Variants in KHDRBS2 observed in about 807,000 individuals in gnomAD.
KHDRBS2 encodes the protein KH RNA binding domain containing, signal transduction associated 2, also known as KH domain-containing, RNA-binding, signal transduction-associated protein 2.
In KHDRBS2, 26 loss-of-function variants were observed where a neutral mutation model predicts 44.3. That is an observed-to-expected ratio of 0.59 (90% CI 0.43 to 0.81). KHDRBS2 has a LOEUF of 0.81. Among genes scored for constraint, KHDRBS2 ranks in the 40% least tolerant of loss-of-function variants. KHDRBS2 has a pLI of 0.00. For missense variants in KHDRBS2, 476 were observed against 433.1 expected, an observed-to-expected ratio of 1.10 and a Z score of -0.88; for synonymous variants, 194 against 151.1, an observed-to-expected ratio of 1.28 and a Z score of -2.08.
chr6:61,939,830 G>T (rs561411742), intron 4 of KHDRBS2, among the ~76,000 whole-genome samples: 12 of 152,182 alleles, frequency 7.9e-5, no homozygotes, highest in Non-Finnish European at 1.6e-4. Context: ...GAAGGCTATG[G>T]AGATGCAAAA....
At chr6:62,118,194 G>C (rs1472009466) in intron 2 of KHDRBS2, among the ~76,000 whole-genome samples, 1 of 152,146 alleles carries the variant, frequency 6.6e-6, no homozygotes, top group South Asian at 2.1e-4. Flanking sequence ...TTGTCAAAAT[G>C]ACTTGACAAT....
intron 6 of KHDRBS2, among the ~76,000 whole-genome samples, chr6:61,747,043 A>G (rs112653025): frequency 2.0e-5 from 1 of 49,452 alleles, no homozygotes; most frequent in African/African-American, 5.6e-5. Flanking sequence ...AAAAAAAAAG[A>G]AAAAAAAAAA....
intron 6 of KHDRBS2, among the ~76,000 whole-genome samples, chr6:61,861,704 G>T (rs778965646): frequency 1.3e-5 from 2 of 149,140 alleles, no homozygotes; most frequent in Admixed American, 6.7e-5. Context: ...AGGCTCTTTT[G>T]GAGTTCCATA....
chr6:61,956,876 C>G (rs1170375592), intron 4 of KHDRBS2, among the ~76,000 whole-genome samples: 2 of 151,010 alleles, frequency 1.3e-5, no homozygotes, highest in African/African-American at 4.9e-5. Context: ...GCACCTTATG[C>G]ATAGCAAACA....
intron 1 of KHDRBS2, among the ~76,000 whole-genome samples, chr6:62,277,300 C>A (rs1841093721): frequency 6.6e-6 from 1 of 151,928 alleles, no homozygotes. Flanking sequence ...ATTAATAGCA[C>A]ATATCATATG....
the KHDRBS2 span, among the ~76,000 whole-genome samples, chr6:61,583,659 GTTC>G: frequency 6.6e-6 from 1 of 151,364 alleles, no homozygotes; most frequent in African/African-American, 2.4e-5. Context: ...TTTCAATTTT[GTTC>G]TTCTTGTTCT....
intron 6 of KHDRBS2, among the ~76,000 whole-genome samples, chr6:61,743,380 T>C (rs1776420498): frequency 6.6e-6 from 1 of 152,120 alleles, no homozygotes; most frequent in Non-Finnish European, 1.5e-5. Flanking sequence ...TTGGCTACAA[T>C]GTAAACTCAG....
intron 6 of KHDRBS2, among the ~76,000 whole-genome samples, chr6:61,830,195 T>C (rs191025651): frequency 2.0e-5 from 3 of 152,290 alleles, no homozygotes; most frequent in Non-Finnish European, 4.4e-5. Flanking sequence ...TATATTGATA[T>C]GGGTAGAGCT....
the KHDRBS2 span, among the ~76,000 whole-genome samples, chr6:61,662,008 C>T: frequency 6.6e-6 from 1 of 151,986 alleles, no homozygotes; most frequent in Admixed American, 6.6e-5. Context: ...TACTACAATG[C>T]TACAGTAACC....
intron 1 of KHDRBS2, among the ~76,000 whole-genome samples, chr6:62,212,765 C>A (rs190128757): frequency 1.3e-5 from 2 of 152,144 alleles, no homozygotes; most frequent in Admixed American, 6.5e-5. Flanking sequence ...CCTGCCAGCA[C>A]CTTAGTTTCA....
intron 4 of KHDRBS2, among the ~76,000 whole-genome samples, chr6:61,939,462 GT>G (rs914033931): frequency 4.0e-5 from 6 of 151,878 alleles, no homozygotes; most frequent in Non-Finnish European, 5.9e-5. Context: ...ATCTTTGAAA[GT>G]TTTTTTTCAC....
intron 1 of KHDRBS2, among the ~76,000 whole-genome samples, chr6:62,267,718 T>A (rs1232482577): frequency 6.6e-6 from 1 of 152,068 alleles, no homozygotes; most frequent in East Asian, 1.9e-4. Flanking sequence ...TATTCTCTCC[T>A]ATTCCCCCCA....
chr6:62,048,920 A>G (rs548499095), intron 2 of KHDRBS2, among the ~76,000 whole-genome samples: 2 of 152,034 alleles, frequency 1.3e-5, no homozygotes, highest in Non-Finnish European at 2.9e-5. Context: ...ATTGCTTTCT[A>G]TATCAGAGAT....
chr6:61,736,307 C>A (rs1380717862), intron 6 of KHDRBS2, among the ~76,000 whole-genome samples: 2 of 150,722 alleles, frequency 1.3e-5, no homozygotes, highest in Non-Finnish European at 3.0e-5. Context: ...TTAAGCATCC[C>A]ATTCTTAGCC....
At chr6:62,092,510 G>C (rs1257661385) in intron 2 of KHDRBS2, among the ~76,000 whole-genome samples, 2 of 152,152 alleles carry the variant, frequency 1.3e-5, no homozygotes, top group Non-Finnish European at 2.9e-5. Flanking sequence ...TAATGTGTAA[G>C]TAATTTTATT....
At chr6:62,280,993 ACAGATGAT>A (rs1382333691) in intron 1 of KHDRBS2, among the ~76,000 whole-genome samples, 1 of 152,176 alleles carries the variant, frequency 6.6e-6, no homozygotes, top group Non-Finnish European at 1.5e-5. Context: ...CTCCAATAAA[ACAGATGAT>A]GAAATCACCT....
the KHDRBS2 span, among the ~76,000 whole-genome samples, chr6:61,568,379 A>G: frequency 6.6e-6 from 1 of 152,170 alleles, no homozygotes; most frequent in African/African-American, 2.4e-5. Flanking sequence ...ATGAATAATG[A>G]CACTGGTGAG....
At chr6:61,565,668 G>A in the KHDRBS2 span, among the ~76,000 whole-genome samples, 1 of 152,050 alleles carries the variant, frequency 6.6e-6, no homozygotes, top group Non-Finnish European at 1.5e-5. Context: ...GAATGTTGGT[G>A]AGGATGTAAA....
chr6:61,932,227 A>T (rs1014010783), intron 4 of KHDRBS2, among the ~76,000 whole-genome samples: 1 of 152,158 alleles, frequency 6.6e-6, no homozygotes, highest in Admixed American at 6.5e-5. Flanking sequence ...TACATTGTGG[A>T]ATGGTTAAAT....
Sources: allele counts gnomAD v4.1 joint callset (sites outside exome capture counted in the v4.1 genomes callset), GRCh38; gene constraint gnomAD v4.1.1; transcripts MANE v1.5; gene names NCBI Gene and HGNC (gene_info 2026-07-23, HGNC 2026-07-21).